Variants in HMCN2 observed in about 807,000 individuals in gnomAD.
The protein encoded by HMCN2 is hemicentin 2.
In HMCN2, 325 loss-of-function variants were observed where a neutral mutation model predicts 377.5. The ratio of observed to expected loss-of-function variants is 0.86; its 90% confidence interval spans 0.79 to 0.94. The LOEUF (loss-of-function observed/expected upper bound fraction) is 0.94. Among genes scored for constraint, HMCN2 ranks in the 40% least tolerant of loss-of-function variants. HMCN2 has a pLI of 0.00. For synonymous variants in HMCN2, 2,007 were observed against 2,046.8 expected (o/e 0.98, Z 0.53); for missense variants, 4,543 against 4,725.3 (o/e 0.96, Z 1.13).
At chr9:130,354,729 G>A in intron 31 of HMCN2, 34 bp from the exon 32 acceptor site, 1 of 1,267,596 alleles carries the variant, frequency 7.9e-7, no homozygotes, top group Non-Finnish European at 1.0e-6. Context: ...GCGTCCAGCT[G>A]TGGTCCCCAA....
intron 22 of HMCN2, among the ~76,000 whole-genome samples, chr9:130,330,473 G>A (rs947661511): frequency 3.9e-5 from 6 of 152,318 alleles, no homozygotes; most frequent in East Asian, 1.9e-4. Flanking sequence ...GTGTGGGGAC[G>A]TGGAACCTGA....
At chr9:130,333,614 T>C (rs971431808) in intron 22 of HMCN2, among the ~76,000 whole-genome samples, 96,152 of 152,140 alleles carry the variant, frequency 0.63, 31,394 homozygotes, top group Non-Finnish European at 0.73. Flanking sequence ...CATCACACCA[T>C]GTGCCCAACA....
intron 76 of HMCN2, 102 bp downstream of exon 76, chr9:130,399,734 T>A: frequency 1.2e-6 from 1 of 836,338 alleles, no homozygotes; most frequent in Non-Finnish European, 1.6e-6. Flanking sequence ...GGCTTTTTCC[T>A]GTGCTGCACT....
rs1481864297 is a variant in HMCN2 at position 130,384,451 on chromosome 9, TC to T, written c.8911del (p.His2971ThrfsTer83). The T allele has an allele frequency of 7.7e-7, 1 of 1,304,198 alleles. No individual in the cohort carries two copies. Among genetic ancestry groups the T allele is most frequent in the East Asian group, 5.5e-5 (1 of 18,024 alleles). The allele number at this position is 1,304,198 out of a possible 1,614,324, so 80.8% of individuals were successfully genotyped here. ...AGCAGCGTCTCCCTCCCTTGCGACGTCCACGCTCACCCAAACCCCGAGGTCA... is the reference window on the plus strand; with the variant it reads ...AGCAGCGTCTCCCTCCCTTGCGACGTCACGCTCACCCAAACCCCGAGGTCA... ...LNSSVSLPCD[V>X]HAHPNPEVTW... is the part of the protein sequence containing the mutation. On this transcript the variant is annotated frameshift_variant, in exon 58 of 98. Coordinates refer to ENST00000683500, the MANE Select transcript of HMCN2 (RefSeq NM_001291815.2). LOFTEE classifies it high-confidence loss of function.
intron 22 of HMCN2, among the ~76,000 whole-genome samples, chr9:130,329,041 C>T (rs1838286956): frequency 6.6e-6 from 1 of 152,194 alleles, no homozygotes; most frequent in African/African-American, 2.4e-5. Flanking sequence ...TTAAAGGACA[C>T]AGTTCAGTGT....
intron 15 of HMCN2, among the ~76,000 whole-genome samples, chr9:130,311,799 C>T (rs1393341232): frequency 6.6e-6 from 1 of 152,086 alleles, no homozygotes; most frequent in East Asian, 1.9e-4. Flanking sequence ...TGGTACCAGT[C>T]ACTCCCCGCC....
chr9:130,279,970 A>G (rs1835019480), intron 1 of HMCN2, among the ~76,000 whole-genome samples: 1 of 152,144 alleles, frequency 6.6e-6, no homozygotes, highest in Non-Finnish European at 1.5e-5. Flanking sequence ...CGACAGCAGC[A>G]CAGGAGAGAG....
chr9:130,397,840 T>C (rs540170921), intron 74 of HMCN2, among the ~76,000 whole-genome samples, 185 bp downstream of exon 74: 1 of 152,236 alleles, frequency 6.6e-6, no homozygotes, highest in South Asian at 2.1e-4. Flanking sequence ...TTTTAGTGCA[T>C]ATATTACGTA....
At chr9:130,283,842 T>C (rs1283686381) in intron 1 of HMCN2, among the ~76,000 whole-genome samples, 1 of 152,232 alleles carries the variant, frequency 6.6e-6, no homozygotes, top group African/African-American at 2.4e-5. Flanking sequence ...TTGTGTCCAG[T>C]GTTGGACTAT....
At chr9:130,404,231 CAA>C (rs1380223253) in intron 80 of HMCN2, among the ~76,000 whole-genome samples, 1 of 152,198 alleles carries the variant, frequency 6.6e-6, no homozygotes, top group African/African-American at 2.4e-5. Context: ...CAAAAATCTG[CAA>C]AGTCTGCTGG....
chr9:130,350,208 C>A (rs913889058), intron 29 of HMCN2, among the ~76,000 whole-genome samples: 3 of 151,184 alleles, frequency 2.0e-5, no homozygotes, highest in Admixed American at 6.6e-5. Flanking sequence ...CCGTGCCCAG[C>A]CTCTTTTTTT....
intron 46 of HMCN2, 70 bp downstream of exon 46, chr9:130,371,201 A>T (rs1023063407): frequency 1.7e-5 from 15 of 881,846 alleles, no homozygotes; most frequent in Non-Finnish European, 1.9e-5. Context: ...TATCCATTAC[A>T]TGCCCATGAC....
intron 15 of HMCN2, among the ~76,000 whole-genome samples, chr9:130,313,730 G>A (rs964776913): frequency 4.0e-5 from 6 of 150,920 alleles, no homozygotes; most frequent in African/African-American, 1.2e-4. Context: ...CCTGAGCTGT[G>A]GTCTGTGCTT....
intron 1 of HMCN2, among the ~76,000 whole-genome samples, chr9:130,270,326 A>G (rs1834353312): frequency 7.1e-6 from 1 of 141,808 alleles, no homozygotes; most frequent in Non-Finnish European, 1.6e-5. Flanking sequence ...AAAACCAGTT[A>G]GGCAGATTTT....
intron 16 of HMCN2, 59 bp downstream of exon 16, chr9:130,319,754 A>G (rs1837751033): frequency 6.6e-6 from 1 of 152,106 alleles, no homozygotes; most frequent in African/African-American, 2.4e-5. Context: ...CTGACACCCT[A>G]AACCCCAGGC....
intron 93 of HMCN2, 71 bp from the exon 94 acceptor site, chr9:130,429,486 G>A: frequency 6.5e-7 from 1 of 1,533,528 alleles, no homozygotes; most frequent in Non-Finnish European, 8.8e-7. Flanking sequence ...TATGGAGGGG[G>A]ATGGTCCGTC....
At chr9:130,301,871 C>T (rs1836534740) in intron 8 of HMCN2, among the ~76,000 whole-genome samples, 1 of 152,258 alleles carries the variant, frequency 6.6e-6, no homozygotes, top group African/African-American at 2.4e-5. Flanking sequence ...GTTTCTCAGA[C>T]TTCTCCATTG....
intron 1 of HMCN2, among the ~76,000 whole-genome samples, chr9:130,273,886 T>C (rs1242545972): frequency 6.6e-6 from 1 of 151,064 alleles, no homozygotes; most frequent in African/African-American, 2.4e-5. Context: ...GAAGATGCAT[T>C]CATTCCTAAT....
intron 75 of HMCN2, 101 bp downstream of exon 75, chr9:130,398,808 A>G: frequency 9.6e-7 from 1 of 1,045,862 alleles, no homozygotes; most frequent in South Asian, 1.5e-5. Context: ...GGGTGTGCTC[A>G]GGTCTCACCG....
Sources: allele counts gnomAD v4.1 joint callset (sites outside exome capture counted in the v4.1 genomes callset), GRCh38; gene constraint gnomAD v4.1.1; transcripts MANE v1.5; gene names NCBI Gene and HGNC (gene_info 2026-07-23, HGNC 2026-07-21).